The following DEDD2 variants were observed in gnomAD, a reference collection of about 807,000 sequenced individuals.
DEDD2 encodes the protein death effector domain containing 2, also known as DNA-binding death effector domain-containing protein 2.
A neutral mutation model predicts 28.9 loss-of-function variants in DEDD2; 18 were observed. That is an observed-to-expected ratio of 0.62 (90% CI 0.43 to 0.92). The LOEUF is 0.92. Ranked by LOEUF, DEDD2 falls within the 40% of genes least tolerant of loss-of-function variation. DEDD2 has a pLI of 0.00. For missense variants in DEDD2, 411 were observed against 463.3 expected, an observed-to-expected ratio of 0.89 and a Z score of 1.04; for synonymous variants, 211 against 206.1, an observed-to-expected ratio of 1.02 and a Z score of -0.20.
intron 3 of DEDD2, among the ~76,000 whole-genome samples, chr19:42,211,057 G>A (rs1227329689): frequency 1.4e-5 from 2 of 141,702 alleles, no homozygotes; most frequent in African/African-American, 2.6e-5. Context: ...GTGACAGTGT[G>A]AGACCCTGTC....
intron 4 of DEDD2, among the ~76,000 whole-genome samples, chr19:42,208,479 A>G (rs777396702): frequency 3.3e-5 from 5 of 152,200 alleles, no homozygotes; most frequent in Non-Finnish European, 5.9e-5. Flanking sequence ...AGTGCATCCT[A>G]AACACTTTGA....
intron 4 of DEDD2, 46 bp downstream of exon 4, chr19:42,209,654 C>A (rs1266671868): frequency 1.9e-6 from 3 of 1,564,942 alleles, no homozygotes; most frequent in Non-Finnish European, 2.6e-6. Flanking sequence ...CCTCTGAACC[C>A]ACCCGGGGCA....
At chr19:42,202,526 TGGAC>T (rs2035372978) in intron 4 of DEDD2, among the ~76,000 whole-genome samples, 1 of 151,964 alleles carries the variant, frequency 6.6e-6, no homozygotes, top group Admixed American at 6.6e-5. Flanking sequence ...CATGTCAGAG[TGGAC>T]AGGTCACAGG....
At chr19:42,210,890 T>A (rs1455129876) in intron 3 of DEDD2, among the ~76,000 whole-genome samples, 1 of 151,426 alleles carries the variant, frequency 6.6e-6, no homozygotes, top group Non-Finnish European at 1.5e-5. Flanking sequence ...CCAACATGGT[T>A]GAAACCCTGT....
intron 1 of DEDD2, 46 bp from the exon 2 acceptor site, chr19:42,217,091 G>A (rs2036009082): frequency 2.9e-6 from 4 of 1,390,762 alleles, no homozygotes; most frequent in Non-Finnish European, 3.0e-6. Context: ...GCGACGCGGA[G>A]GCCCGAACCC....
intron 3 of DEDD2, among the ~76,000 whole-genome samples, chr19:42,210,703 T>C (rs527522227): frequency 6.6e-6 from 1 of 152,262 alleles, no homozygotes; most frequent in South Asian, 2.1e-4. Flanking sequence ...CCCCACACTT[T>C]AGTTTTGACT....
chr19:42,213,063 A>T (rs1056042435), intron 3 of DEDD2, among the ~76,000 whole-genome samples: 2 of 152,208 alleles, frequency 1.3e-5, no homozygotes, highest in Non-Finnish European at 2.9e-5. Flanking sequence ...TGCGGAAGGG[A>T]AAGTTCAAAG....
chr19:42,216,818 T>C lies in DEDD2; in HGVS notation c.190A>G (p.Ser64Gly), dbSNP rs1456381648. Reference sequence around the variant, plus strand: ...AGCTCCAGCAGGAGCTCTAGGCCGCTGCGGGCCCGGGCTAAGCCTCCGGCG... The same window carrying C: ...AGCTCCAGCAGGAGCTCTAGGCCGCCGCGGGCCCGGGCTAAGCCTCCGGCG... Reference protein sequence around the residue: ...GAAGGLARARSGLELLLELER... With the variant: ...GAAGGLARARGGLELLLELER... Residue 64 changes from serine to glycine, a missense_variant, in exon 2 of 5, where the codon AGC (serine) becomes GGC (glycine). Transcript: ENST00000596251. The C allele has an allele frequency of 2.5e-6, 4 of 1,582,916 alleles. No homozygotes were observed. The African/African-American group carries it at 4.0e-5, about 16-fold the overall frequency.
intron 3 of DEDD2, among the ~76,000 whole-genome samples, chr19:42,214,754 C>T (rs996758125): frequency 6.6e-6 from 1 of 151,866 alleles, no homozygotes; most frequent in Admixed American, 6.6e-5. Flanking sequence ...CAGACCAAGC[C>T]CCTATCTTGA....
At chr19:42,213,286 G>T (rs955533017) in intron 3 of DEDD2, among the ~76,000 whole-genome samples, 3 of 152,140 alleles carry the variant, frequency 2.0e-5, no homozygotes, top group African/African-American at 7.2e-5. Context: ...AAAAGAAAAA[G>T]AATTAGAAAA....
At chr19:42,209,995 A>G (rs749511337) in intron 3 of DEDD2, among the ~76,000 whole-genome samples, 155 bp from the exon 4 acceptor site, 6 of 152,130 alleles carry the variant, frequency 3.9e-5, no homozygotes, top group Non-Finnish European at 8.8e-5. Flanking sequence ...AAAGATGAAG[A>G]GTACCATCTA....
upstream of DEDD2, among the ~76,000 whole-genome samples, chr19:42,219,219 G>A (rs1373910605): frequency 6.6e-6 from 1 of 152,016 alleles, no homozygotes; most frequent in Non-Finnish European, 1.5e-5. Flanking sequence ...CAGGAGAATC[G>A]CTTGAACCCT....
At chr19:42,219,831 G>A (rs887348759), upstream of DEDD2, among the ~76,000 whole-genome samples, 1 of 152,186 alleles carries the variant, frequency 6.6e-6, no homozygotes, top group African/African-American at 2.4e-5. Context: ...GTTGTAGTGG[G>A]CGCCTACAGT....
At chr19:42,218,451 C>T (rs1353545935), upstream of DEDD2, among the ~76,000 whole-genome samples, 1 of 152,142 alleles carries the variant, frequency 6.6e-6, no homozygotes, top group Non-Finnish European at 1.5e-5. Flanking sequence ...AATCTCTGCC[C>T]TCCAGGGTCG....
In DEDD2 at chr19:42,212,466, GTTT is replaced by G. The variant is rs922815242; in HGVS notation, c.449-2629_449-2627del. On this transcript the variant is annotated intron_variant, in intron 3 of 4. Transcript: ENST00000596251. ...AGTGGCATGCCACCACACCCGGCTC[GTTT>G]TTTTTTTTTCTCTGAGACAGGGTCT... Among the ~76,000 whole-genome samples, 8 of 143,410 alleles carry G rather than the reference GTTT, an allele frequency of 5.6e-5. No homozygotes were observed. In the East Asian group the frequency reaches 1.5e-3, roughly 27 times the overall value. 94.1% of individuals were successfully genotyped at this position (143,410 alleles called of 152,430 possible).
Position 42,216,767 on chromosome 19 carries a change from T to C in DEDD2, c.241A>G (p.Ser81Gly), listed in dbSNP as rs1335361614. ...ELERRGQCDE[S>G]NLRLLGQLLR... ...AGTTGCCCCAGCAGCCGCAGGTTGC[T>C]CTCGTCGCACTGCCCGCGGCGCTCC... Residue 81 changes from serine (S) to glycine (G), a missense_variant, in exon 2 of 5, where the codon AGC becomes GGC. By Grantham distance (56) the Ser-to-Gly change is moderately conservative. This residue lies in a region of DEDD2 where 282 missense variants were observed against 273.4 expected (regional missense o/e 1.03). Coordinates refer to ENST00000596251, the MANE Select transcript of DEDD2 (RefSeq NM_133328.4). The C allele has an allele frequency of 2.5e-6, 4 of 1,592,682 alleles. No individual in the cohort carries two copies. Among genetic ancestry groups the C allele is most frequent in the South Asian group, 1.1e-5 (1 of 88,882 alleles).
chr19:42,199,944 C>T lies in DEDD2; in HGVS notation c.590-115G>A. The stretch of plus-strand genomic sequence containing the variant: ...CTCCACCCCCTTCCGGTAGCCACAC[C>T]CTAGTCCTGACACAGCCTCCCCGGC... On this transcript the variant is annotated intron_variant, in intron 4 of 4. Coordinates refer to ENST00000596251, the MANE Select transcript of DEDD2 (RefSeq NM_133328.4). This position sits in a 1 kb window ranked among gnomAD's most constrained non-coding sequence, Gnocchi z 7.4. 1 of 1,428,852 alleles carries T rather than the reference C, an allele frequency of 7.0e-7. No individual in the cohort carries two copies. The highest frequency in any genetic ancestry group is 9.3e-7 in the Non-Finnish European group (1 of 1,077,916). The allele number at this position is 1,428,852 out of a possible 1,614,324, so 88.5% of individuals were successfully genotyped here.
intron 4 of DEDD2, among the ~76,000 whole-genome samples, chr19:42,206,703 A>G (rs2035548440): frequency 6.6e-6 from 1 of 151,962 alleles, no homozygotes; most frequent in Non-Finnish European, 1.5e-5. Flanking sequence ...GTCCTTCCTC[A>G]CTGTCTCAGG....
chr19:42,208,680 C>T (rs2035628295), intron 4 of DEDD2, among the ~76,000 whole-genome samples: 1 of 152,180 alleles, frequency 6.6e-6, no homozygotes, highest in Admixed American at 6.5e-5. Context: ...CCTCCACCTG[C>T]TCCCACCCTC....
Sources: allele counts gnomAD v4.1 joint callset (sites outside exome capture counted in the v4.1 genomes callset), GRCh38; gene constraint gnomAD v4.1.1; regional missense constraint gnomAD v4.1.1; non-coding constraint Gnocchi (gnomAD v3.1); transcripts MANE v1.5; gene names NCBI Gene and HGNC (gene_info 2026-07-23, HGNC 2026-07-21).